FNIP1: variants seen among roughly 807,000 people sequenced by gnomAD.
FNIP1 encodes folliculin interacting protein 1.
In FNIP1, 40 loss-of-function variants were observed where a neutral mutation model predicts 124.5. The observed-to-expected ratio is 0.32, with a 90% CI of 0.25 to 0.42. The LOEUF (loss-of-function observed/expected upper bound fraction) is 0.42. Among genes scored for constraint, FNIP1 ranks in the 10% least tolerant of loss-of-function variants. The probability of loss-of-function intolerance (pLI) is 1.00; values close to 1 mark genes in which losing one functional copy is unlikely to be tolerated. For missense variants in FNIP1, 1,176 were observed against 1,403.7 expected (o/e 0.84, Z 2.59); for synonymous variants, 472 against 470.6 (o/e 1.00, Z -0.04).
At chr5:131,697,557 T>C (rs778618226) in intron 11 of FNIP1, among the ~76,000 whole-genome samples, 6 of 152,166 alleles carry the variant, frequency 3.9e-5, no homozygotes, top group Non-Finnish European at 8.8e-5. Context: ...GTATAAAAGA[T>C]GGTCAAATTT....
intron 9 of FNIP1, among the ~76,000 whole-genome samples, chr5:131,704,693 T>C (rs1769021325): frequency 6.6e-6 from 1 of 152,232 alleles, no homozygotes; most frequent in East Asian, 1.9e-4. Context: ...CAAGAACTTT[T>C]AGTATCTACA....
intron 3 of FNIP1, among the ~76,000 whole-genome samples, chr5:131,721,655 G>T (rs1769667624): frequency 6.6e-6 from 1 of 152,194 alleles, no homozygotes; most frequent in Admixed American, 6.5e-5. Context: ...AAAATTAGCT[G>T]GGCATGGTGG....
intron 2 of FNIP1, among the ~76,000 whole-genome samples, chr5:131,737,955 C>T (rs1362642304): frequency 1.3e-5 from 2 of 152,154 alleles, no homozygotes; most frequent in African/African-American, 4.8e-5. Flanking sequence ...CAGACTGGGG[C>T]AGGGTAGTGG....
chr5:131,684,910 A>C (rs1015261922), intron 11 of FNIP1, among the ~76,000 whole-genome samples: 51 of 152,250 alleles, frequency 3.3e-4, no homozygotes, highest in African/African-American at 1.2e-3. Context: ...GCCTTATACT[A>C]ATGCAATATG....
chr5:131,728,922 C>T (rs904128423), intron 3 of FNIP1, among the ~76,000 whole-genome samples: 8 of 152,010 alleles, frequency 5.3e-5, no homozygotes, highest in African/African-American at 1.7e-4. Flanking sequence ...GTTAGTTTTC[C>T]TTCTACCAGT....
At chr5:131,675,634 C>T (rs1767887713) in intron 13 of FNIP1, among the ~76,000 whole-genome samples, 1 of 152,006 alleles carries the variant, frequency 6.6e-6, no homozygotes, top group Admixed American at 6.6e-5. Flanking sequence ...TGATTCCATT[C>T]ATATAAAACT....
chr5:131,737,655 A>T (rs1315262090), intron 2 of FNIP1, among the ~76,000 whole-genome samples: 1 of 152,252 alleles, frequency 6.6e-6, no homozygotes, highest in East Asian at 1.9e-4. Context: ...TAATAATGGT[A>T]GTACTCTTCT....
chr5:131,664,978 GTAAA>G (rs1441905681), intron 15 of FNIP1, among the ~76,000 whole-genome samples: 1 of 151,016 alleles, frequency 6.6e-6, no homozygotes, highest in East Asian at 1.9e-4. Context: ...ATTTATCTGT[GTAAA>G]TATTGTGTAT....
At chr5:131,763,242 A>G (rs1001401578) in intron 1 of FNIP1, among the ~76,000 whole-genome samples, 3 of 151,890 alleles carry the variant, frequency 2.0e-5, no homozygotes. Context: ...ATTATTACAC[A>G]CTGTATGCCT....
At chr5:131,724,548 G>C (rs1254351566) in intron 3 of FNIP1, among the ~76,000 whole-genome samples, 1 of 152,062 alleles carries the variant, frequency 6.6e-6, no homozygotes, top group Non-Finnish European at 1.5e-5. Context: ...CCTACTTTTT[G>C]ATGGGGTTGT....
chr5:131,766,528 G>C lies in FNIP1; in HGVS notation c.93-21838C>G, dbSNP rs527585289. ...GTCTAGAAGGTTTCTGTACTGGTCA[G>C]GGTTCTCTAGAGAGGTGGAAACAAC... On this transcript the variant is annotated intron_variant, in intron 1 of 17. Coordinates refer to ENST00000510461, the MANE Select transcript of FNIP1 (RefSeq NM_133372.3). Among the ~76,000 whole-genome samples the C allele has an allele frequency of 2.0e-5, 3 of 152,306 alleles. No homozygotes were observed. The South Asian group carries it at 6.2e-4, about 32-fold the overall frequency.
intron 10 of FNIP1, among the ~76,000 whole-genome samples, chr5:131,701,151 G>C (rs1046314725): frequency 1.2e-4 from 18 of 152,024 alleles, no homozygotes. Context: ...ATTGTGAACC[G>C]TGCATGCAAG....
At chr5:131,657,586 G>T (rs1399245884) in intron 15 of FNIP1, among the ~76,000 whole-genome samples, 1 of 151,946 alleles carries the variant, frequency 6.6e-6, no homozygotes, top group African/African-American at 2.4e-5. Context: ...TCACGCCATA[G>T]AAGATGCCAT....
intron 2 of FNIP1, among the ~76,000 whole-genome samples, chr5:131,732,950 T>C (rs1306928782): frequency 6.6e-6 from 1 of 152,176 alleles, no homozygotes; most frequent in Non-Finnish European, 1.5e-5. Flanking sequence ...ATTGATTCTT[T>C]CTATCCATGA....
intron 11 of FNIP1, among the ~76,000 whole-genome samples, chr5:131,692,569 G>C (rs1244581547): frequency 6.6e-6 from 1 of 151,796 alleles, no homozygotes; most frequent in African/African-American, 2.4e-5. Context: ...AGTTTATATA[G>C]AAACAAAAAA....
intron 10 of FNIP1, among the ~76,000 whole-genome samples, chr5:131,702,935 C>T (rs779882909): frequency 6.6e-6 from 1 of 152,182 alleles, no homozygotes; most frequent in Admixed American, 6.5e-5. Context: ...CTCAGGCTTA[C>T]CATTGCCTGT....
intron 11 of FNIP1, among the ~76,000 whole-genome samples, chr5:131,691,724 T>C (rs951843870): frequency 1.3e-5 from 2 of 152,142 alleles, no homozygotes; most frequent in Admixed American, 6.5e-5. Flanking sequence ...TTAGATGAAA[T>C]GCATCAATTT....
At chr5:131,766,926 T>C (rs1771444998) in intron 1 of FNIP1, among the ~76,000 whole-genome samples, 1 of 152,124 alleles carries the variant, frequency 6.6e-6, no homozygotes, top group African/African-American at 2.4e-5. Flanking sequence ...GGTGCCTATC[T>C]ATGTTGAGGG....
chr5:131,774,888 T>C (rs1010082299), intron 1 of FNIP1, among the ~76,000 whole-genome samples: 1 of 152,218 alleles, frequency 6.6e-6, no homozygotes, highest in African/African-American at 2.4e-5. Flanking sequence ...TACCCATAAA[T>C]GTTTCCTCAT....
Sources: gnomAD v4.1 joint callset for allele counts (sites outside exome capture counted in the v4.1 genomes callset) on GRCh38, gnomAD v4.1.1 for gene constraint, MANE v1.5 for transcripts, NCBI Gene and HGNC (gene_info 2026-07-23, HGNC 2026-07-21) for gene names.